Variants in SLC37A1 observed in about 807,000 individuals in gnomAD.
SLC37A1 encodes solute carrier family 37 member 1.
A neutral mutation model predicts 75.3 loss-of-function variants in SLC37A1; 49 were observed. The ratio of observed to expected loss-of-function variants is 0.65; its 90% CI spans 0.52 to 0.83. SLC37A1 has a LOEUF of 0.83. Among genes scored for constraint, SLC37A1 ranks in the 40% least tolerant of loss-of-function variants. SLC37A1 has a pLI of 0.00. For missense variants in SLC37A1, 566 were observed against 695.0 expected, an observed-to-expected ratio of 0.81 and a Z score of 2.09; for synonymous variants, 268 against 292.1, an observed-to-expected ratio of 0.92 and a Z score of 0.84.
upstream of SLC37A1, among the ~76,000 whole-genome samples, chr21:42,513,615 C>T (rs1056647930): frequency 8.6e-5 from 13 of 151,800 alleles, no homozygotes; most frequent in Non-Finnish European, 4.4e-5. Flanking sequence ...GCCCTCGGAG[C>T]CGGGGAAGGC....
rs144373650 is a variant in SLC37A1 at position 42,579,999 on chromosome 21, CCT to C, written c.1586+200_1586+201del. On this transcript the variant is annotated intron_variant, in intron 19 of 19. Coordinates refer to ENST00000352133, the MANE Select transcript of SLC37A1 (RefSeq NM_001320537.2). ...GGTTAGTGGTAATCTCTCCTCAAAC[CCT>C]GAGTGGAAAATGTGAGGGAATTGCC... Among the ~76,000 whole-genome samples, 613 of 152,302 alleles carry C rather than the reference CCT, an allele frequency of 4.0e-3. 6 individuals are homozygous for C. Among genetic ancestry groups the C allele is most frequent in the African/African-American group, 0.014 (567 of 41,552 alleles).
intron 10 of SLC37A1, among the ~76,000 whole-genome samples, chr21:42,556,546 G>T (rs191752725): frequency 3.3e-5 from 5 of 152,328 alleles, no homozygotes; most frequent in Admixed American, 6.5e-5. Flanking sequence ...GTTGTGTGTG[G>T]GGGCATTTTA....
At chr21:42,513,352 A>G (rs2054459612), upstream of SLC37A1, among the ~76,000 whole-genome samples, 1 of 152,242 alleles carries the variant, frequency 6.6e-6, no homozygotes, top group Non-Finnish European at 1.5e-5. Flanking sequence ...AGTTGGTTCG[A>G]CATAGCCAAA....
At chr21:42,573,974 AAAG>A (rs1214787781) in intron 17 of SLC37A1, among the ~76,000 whole-genome samples, 1 of 150,526 alleles carries the variant, frequency 6.6e-6, no homozygotes, top group Non-Finnish European at 1.5e-5. Context: ...GAAATAGTAC[AAAG>A]AATTCAGACA....
chr21:42,561,993 G>A lies in SLC37A1; in HGVS notation c.982-85G>A, dbSNP rs557109271. On this transcript the variant is annotated intron_variant, in intron 11 of 19. Coordinates refer to ENST00000352133, the MANE Select transcript of SLC37A1 (RefSeq NM_001320537.2). ...AGAGACAGGATGTCTTTATGGGAGC[G>A]AAGTCATATTTAACTCTGTTGCATG... 704 of 1,097,170 alleles carry A rather than the reference G, an allele frequency of 6.4e-4. 1 individual carries two copies. Among genetic ancestry groups the A allele is most frequent in the Non-Finnish European group, 8.8e-4 (629 of 712,698 alleles). 68.0% of individuals were successfully genotyped at this position (1,097,170 alleles called of 1,614,324 possible). A position where few individuals can be genotyped will look rare whatever the true frequency, so the allele number is the denominator to read the frequency against.
intron 3 of SLC37A1, among the ~76,000 whole-genome samples, chr21:42,534,011 CAG>C (rs1022641903): frequency 6.6e-6 from 1 of 152,176 alleles, no homozygotes; most frequent in Non-Finnish European, 1.5e-5. Flanking sequence ...CTTCAGTGTA[CAG>C]TTTGGCAGAT....
At chr21:42,503,121 A>G (rs2054354711) in intron 2 of SLC37A1, 2 of 152,234 alleles carry the variant, frequency 1.3e-5, no homozygotes, top group Non-Finnish European at 2.9e-5. Flanking sequence ...TGTTTTAAAG[A>G]CAATAGTATT....
chr21:42,539,636 G>T lies in SLC37A1; in HGVS notation c.475G>T (p.Val159Leu). The change falls in exon 6 of 20, where the codon GTG becomes TTG. Residue 159 changes from valine to leucine, a missense_variant. Val to Leu is a conservative substitution (Grantham distance 32, BLOSUM62 1). Coordinates refer to ENST00000352133, the MANE Select transcript of SLC37A1 (RefSeq NM_001320537.2). Reference sequence around the variant, plus strand: ...CAACATCCACAGTTTCGGATTCTACGTGGTAACTCAGGTAAGGGTTTGGAT... The same window carrying T: ...CAACATCCACAGTTTCGGATTCTACTTGGTAACTCAGGTAAGGGTTTGGAT... Reference protein sequence around the residue: ...FYNIHSFGFYVVTQVINGLVQ... With the variant: ...FYNIHSFGFYLVTQVINGLVQ... 6.2e-7 allele frequency: 1 copy of T among 1,613,400 alleles called. No homozygotes were observed. Among genetic ancestry groups the T allele is most frequent in the Non-Finnish European group, 8.5e-7 (1 of 1,179,704 alleles).
chr21:42,507,697 A>G (rs1882313944), intron 2 of SLC37A1, among the ~76,000 whole-genome samples: 1 of 152,204 alleles, frequency 6.6e-6, no homozygotes, highest in Admixed American at 6.5e-5. Flanking sequence ...TGAAAGGTGA[A>G]GTGGAGCAGG....
At chr21:42,522,803 G>C (rs924764203) in intron 2 of SLC37A1, among the ~76,000 whole-genome samples, 3 of 152,206 alleles carry the variant, frequency 2.0e-5, no homozygotes, top group Admixed American at 6.5e-5. Flanking sequence ...CATTCATTAA[G>C]GTGTCTCCCT....
intron 5 of SLC37A1, among the ~76,000 whole-genome samples, chr21:42,537,805 A>C (rs773849629): frequency 1.3e-5 from 2 of 152,278 alleles, no homozygotes; most frequent in Non-Finnish European, 2.9e-5. Flanking sequence ...TCTACACAGT[A>C]AACTCATGAC....
chr21:42,542,514 T>C, intron 7 of SLC37A1, 34 bp downstream of exon 7: 2 of 1,603,750 alleles, frequency 1.2e-6, no homozygotes, highest in Non-Finnish European at 1.7e-6. Flanking sequence ...CAATAGCAGA[T>C]GAAAACTAGA....
At chr21:42,516,731 A>T (rs1332667885) in intron 1 of SLC37A1, among the ~76,000 whole-genome samples, 1 of 152,090 alleles carries the variant, frequency 6.6e-6, no homozygotes, top group African/African-American at 2.4e-5. Context: ...CACAGGTTTT[A>T]TCAGAGTTGG....
intron 1 of SLC37A1, among the ~76,000 whole-genome samples, chr21:42,516,308 G>A (rs542610055): frequency 6.6e-6 from 1 of 152,284 alleles, no homozygotes; most frequent in South Asian, 2.1e-4. Context: ...AGAGAAACAG[G>A]ACAAACTGGA....
rs228077 is a variant in SLC37A1 at position 42,545,516 on chromosome 21, T to C, written c.731-1587T>C. 0.59 allele frequency among the ~76,000 whole-genome samples: 89,399 copies of C among 152,054 alleles called. 26,861 individuals carry two copies. Among genetic ancestry groups the C allele is most frequent in the Admixed American group, 0.7 (10,658 of 15,292 alleles). On this transcript the variant is annotated intron_variant, in intron 8 of 19. Transcript: ENST00000352133. This position sits in a 1 kb window ranked among gnomAD's most constrained non-coding sequence, Gnocchi z 4.0. The stretch of plus-strand genomic sequence containing the variant: ...GGCTTTCTCTGCTGCTCCTTCACTC[T>C]TGTCTCCTGCCCAGGGTGAGCCCCA...
intron 3 of SLC37A1, among the ~76,000 whole-genome samples, chr21:42,531,385 C>T (rs550053168): frequency 7.1e-4 from 108 of 151,078 alleles, no homozygotes; most frequent in African/African-American, 2.5e-3. Flanking sequence ...GCAGCCGTGA[C>T]GCCCGCGTCT....
In SLC37A1 at chr21:42,513,975, C is replaced by T. The variant is rs992751401; in HGVS notation, c.-921C>T. 6.8e-6 allele frequency: 1 copy of T among 146,926 alleles called. No individual in the cohort carries two copies. The highest frequency in any genetic ancestry group is 2.0e-4 in the East Asian group (1 of 4,990). 9.1% of individuals were successfully genotyped at this position (146,926 alleles called of 1,614,324 possible). A position where few individuals can be genotyped will look rare whatever the true frequency, so the allele number is the denominator to read the frequency against. On this transcript the variant is annotated 5_prime_UTR_variant, in exon 1 of 20. Transcript: ENST00000352133. ...CGGGAGGCGGGGACCCCCCGCCCCC[C>T]CGCCCGCACCTGCGGGGCAGCCGGC...
intron 2 of SLC37A1, among the ~76,000 whole-genome samples, chr21:42,505,675 C>T (rs1004275448): frequency 2.6e-5 from 4 of 152,244 alleles, no homozygotes; most frequent in Non-Finnish European, 5.9e-5. Context: ...GCCAAGGCTA[C>T]TGGTATGTGC....
intron 2 of SLC37A1, among the ~76,000 whole-genome samples, chr21:42,523,556 G>A (rs888174448): frequency 2.6e-5 from 4 of 152,260 alleles, no homozygotes; most frequent in African/African-American, 9.6e-5. Flanking sequence ...ATGGTTTTCA[G>A]AAACACGAGG....
Sources: allele counts gnomAD v4.1 joint callset (sites outside exome capture counted in the v4.1 genomes callset), GRCh38; gene constraint gnomAD v4.1.1; non-coding constraint Gnocchi (gnomAD v3.1); transcripts MANE v1.5; gene names NCBI Gene and HGNC (gene_info 2026-07-23, HGNC 2026-07-21).